Variants in ITGB4 observed in about 807,000 individuals in gnomAD.
ITGB4 encodes integrin subunit beta 4.
A neutral mutation model predicts 207.6 loss-of-function variants in ITGB4; 159 were observed. That is an observed-to-expected ratio of 0.77 (90% CI 0.67 to 0.87). The LOEUF (loss-of-function observed/expected upper bound fraction) is 0.87, where lower values mean the gene tolerates loss of function less well. Among genes scored for constraint, ITGB4 ranks in the 40% least tolerant of loss-of-function variants. The probability of loss-of-function intolerance (pLI) is 0.00; values close to 1 mark genes in which losing one functional copy is unlikely to be tolerated. For synonymous variants in ITGB4, 1,020 were observed against 1,062.7 expected, an observed-to-expected ratio of 0.96 and a Z score of 0.78; for missense variants, 2,278 against 2,546.8, an observed-to-expected ratio of 0.89 and a Z score of 2.27.
Position 75,733,478 on chromosome 17 carries a change from T to C in ITGB4, c.1455-12T>C, listed in dbSNP as rs2060907710. On this transcript the variant is annotated splice_polypyrimidine_tract_variant and intron_variant, in intron 12 of 39. Coordinates refer to ENST00000200181, the MANE Select transcript of ITGB4 (RefSeq NM_000213.5). ...CTGGGCTGTTTCGGGGAATGACCAG[T>C]TCCTCCTTCAGGAGTGGCCAGACCT... 1.9e-6 allele frequency: 3 copies of C among 1,612,100 alleles called. No individual in the cohort carries two copies. Among genetic ancestry groups the C allele is most frequent in the South Asian group, 2.2e-5 (2 of 91,000 alleles).
intron 23 of ITGB4, 92 bp downstream of exon 23, chr17:75,741,097 C>T (rs2143106027): frequency 7.0e-7 from 1 of 1,425,216 alleles, no homozygotes; most frequent in Non-Finnish European, 9.7e-7. Flanking sequence ...ACTCCATCTC[C>T]ATCCCATAGG....
chr17:75,731,458 C>T lies in ITGB4; in HGVS notation c.1215+90C>T, dbSNP rs1046035990. On this transcript the variant is annotated intron_variant, in intron 10 of 39. Coordinates refer to ENST00000200181, the MANE Select transcript of ITGB4 (RefSeq NM_000213.5). The surrounding 1 kb of genome is among the most constrained non-coding windows in gnomAD (Gnocchi z 6.8). ...TTAAAACAGCGGTCAAGAGCGTGGC[C>T]CCTGGAGTCAGGCAGGCCTGGGTGC... 1.5e-6 allele frequency: 2 copies of T among 1,366,000 alleles called. No homozygotes were observed. Among genetic ancestry groups the T allele is most frequent in the South Asian group, 2.6e-5 (2 of 77,994 alleles). The allele number at this position is 1,366,000 out of a possible 1,614,324, so 84.6% of individuals were successfully genotyped here.
In ITGB4 at chr17:75,740,045, C is replaced by T. The variant is rs2061070731; in HGVS notation, c.2420C>T (p.Ala807Val). The change falls in exon 20 of 40, where the codon GCC (alanine) becomes GTC (valine). Residue 807 changes from alanine (A) to valine (V), a missense_variant. Transcript: ENST00000200181. The surrounding 1 kb of genome is among the most constrained non-coding windows in gnomAD (Gnocchi z 5.9). ...NMQRPGFATHAASINPTELVP... is the reference protein window; with the variant it reads ...NMQRPGFATHVASINPTELVP... ...CAGCGGCCTGGCTTTGCCACTCATG[C>T]CGCCAGCATCAACCCCACAGAGCTG... is the stretch of plus-strand genomic sequence containing the variant. 1.2e-6 allele frequency: 2 copies of T among 1,612,642 alleles called. No individual in the cohort carries two copies. Among genetic ancestry groups the T allele is most frequent in the Non-Finnish European group, 1.7e-6 (2 of 1,179,798 alleles).
At chr17:75,754,191 T>G (rs1192397466) in intron 33 of ITGB4, among the ~76,000 whole-genome samples, 1 of 151,360 alleles carries the variant, frequency 6.6e-6, no homozygotes, top group Admixed American at 6.6e-5. Flanking sequence ...GGCCAGGGGG[T>G]GCAAATTCAG....
rs1214735129 is a variant in ITGB4 at position 75,732,806 on chromosome 17, G to A, written c.1454+567G>A. Among the ~76,000 whole-genome samples, 1 of 152,200 alleles carries A rather than the reference G, an allele frequency of 6.6e-6. No individual in the cohort carries two copies. The highest frequency in any genetic ancestry group is 1.5e-5 in the Non-Finnish European group (1 of 68,038). ...CCTCATCTGTAAAATGGGACAGCAG[G>A]CCAGGCGAGGTGGCTCACACCTGTA... On this transcript the variant is annotated intron_variant, in intron 12 of 39. Transcript: ENST00000200181. The surrounding 1 kb of genome is among the most constrained non-coding windows in gnomAD (Gnocchi z 5.3).
In ITGB4 at chr17:75,756,482, G is replaced by A. The variant is rs753691681; in HGVS notation, c.4762G>A (p.Glu1588Lys). 1 of 1,613,366 alleles carries A rather than the reference G, an allele frequency of 6.2e-7. No individual in the cohort carries two copies. The highest frequency in any genetic ancestry group is 8.5e-7 in the Non-Finnish European group (1 of 1,180,010). ...PNPAQTSVVV[E>K]DLLPNHSYVF... Reference sequence around the variant, plus strand: ...CCCTGCCCAGACCTCGGTGGTGGTGGAAGACCTCCTGCCCAACCACTCCTA... The same window carrying A: ...CCCTGCCCAGACCTCGGTGGTGGTGAAAGACCTCCTGCCCAACCACTCCTA... The change falls in exon 36 of 40, where the codon GAA (glutamate) becomes AAA (lysine). Residue 1588 changes from glutamate (E) to lysine (K), a missense_variant. Coordinates refer to ENST00000200181, the MANE Select transcript of ITGB4 (RefSeq NM_000213.5).
rs761374692 is a variant in ITGB4, at chr17:75,755,730, A to G, written c.4588A>G (p.Thr1530Ala). The change falls in exon 35 of 40, where the codon ACG (threonine) becomes GCG (alanine). Residue 1530 changes from threonine to alanine, a missense_variant. Thr to Ala is a moderately conservative substitution (Grantham distance 58, BLOSUM62 0). Coordinates refer to ENST00000200181, the MANE Select transcript of ITGB4 (RefSeq NM_000213.5). ...TCGCCTGACTGCTGGTGTGCCCGAC[A>G]CGCCCACCCGCCTGGTGTTCTCTGC... ...DSRLTAGVPD[T>A]PTRLVFSALG... 6.2e-7 allele frequency: 1 copy of G among 1,612,694 alleles called. No individual in the cohort carries two copies. Among genetic ancestry groups the G allele is most frequent in the East Asian group, 2.2e-5 (1 of 44,824 alleles).
rs754302910 is a variant in ITGB4 at position 75,731,956 on chromosome 17, G to A, written c.1360G>A (p.Val454Met). ...LKMDAGIICD[V>M]CTCELQKEVR... is the part of the protein sequence containing the mutation. ...GATGGACGCGGGCATCATCTGTGAT[G>A]TGTGCACCTGCGAGCTGGTACAACG... Residue 454 changes from valine (V) to methionine (M), a missense_variant, in exon 11 of 40, where the codon GTG (valine) becomes ATG (methionine). Coordinates refer to ENST00000200181, the MANE Select transcript of ITGB4 (RefSeq NM_000213.5). The surrounding 1 kb of genome is among the most constrained non-coding windows in gnomAD (Gnocchi z 6.8). 1.2e-6 allele frequency: 2 copies of A among 1,614,062 alleles called. No individual in the cohort carries two copies. Among genetic ancestry groups the A allele is most frequent in the Non-Finnish European group, 1.7e-6 (2 of 1,180,032 alleles).
In ITGB4 at chr17:75,727,499, C is replaced by A; in HGVS notation, c.258C>A (p.Ile86=). The A allele has an allele frequency of 6.2e-7, 1 of 1,613,706 alleles. No individual in the cohort carries two copies. Among genetic ancestry groups the A allele is most frequent in the Non-Finnish European group, 8.5e-7 (1 of 1,179,944 alleles). ...SIVVMESSFQ[I]TEETQIDTTL... ...TGGTCATGGAGAGCAGCTTCCAAATCACAGAGGTGCCTGGTGTGGGGACTG... is the reference window on the plus strand; with the variant it reads ...TGGTCATGGAGAGCAGCTTCCAAATAACAGAGGTGCCTGGTGTGGGGACTG... The change falls in exon 4 of 40, where the codon ATC becomes ATA. Residue 86 remains isoleucine, a synonymous_variant. Transcript: ENST00000200181. This position sits in a 1 kb window ranked among gnomAD's most constrained non-coding sequence, Gnocchi z 6.0.
chr17:75,757,554 G>C lies in ITGB4; in HGVS notation c.5468G>C (p.Ter1823SerextTer50), dbSNP rs1473254409. The change falls in exon 40 of 40, where the codon TGA becomes TCA. Residue 1823 changes from the stop codon to serine, a stop_lost. Coordinates refer to ENST00000200181, the MANE Select transcript of ITGB4 (RefSeq NM_000213.5). ...THMDQQFFQT[*>S] ...ATGGACCAACAGTTCTTCCAAACTTGACCGCACCCTGCCCCACCCCCGCCA... is the reference window on the plus strand; with the variant it reads ...ATGGACCAACAGTTCTTCCAAACTTCACCGCACCCTGCCCCACCCCCGCCA... 1.2e-6 allele frequency: 2 copies of C among 1,613,346 alleles called. No individual in the cohort carries two copies. The highest frequency in any genetic ancestry group is 4.5e-5 in the East Asian group (2 of 44,872).
chr17:75,742,575 C>G lies in ITGB4; in HGVS notation c.2783-7C>G. The stretch of plus-strand genomic sequence containing the variant: ...CCACCTCTGACCACCTCCGAACCCC[C>G]ACCCAGACGCCCGGGGCATGGTGGA... On this transcript the variant is annotated splice_polypyrimidine_tract_variant and splice_region_variant and intron_variant, in intron 24 of 39. Transcript: ENST00000200181. This position sits in a 1 kb window ranked among gnomAD's most constrained non-coding sequence, Gnocchi z 5.9. 2 of 1,613,892 alleles carry G rather than the reference C, an allele frequency of 1.2e-6. No homozygotes were observed. The highest frequency in any genetic ancestry group is 1.7e-6 in the Non-Finnish European group (2 of 1,180,006).
At position 75,739,520 on chromosome 17, in the gene ITGB4, A is replaced by G; in HGVS notation, c.2221-152A>G. 1.1e-6 allele frequency: 1 copy of G among 877,480 alleles called. No individual in the cohort carries two copies. Among genetic ancestry groups the G allele is most frequent in the Non-Finnish European group, 1.9e-6 (1 of 537,436 alleles). 54.4% of individuals were successfully genotyped at this position (877,480 alleles called of 1,614,324 possible). ...ATCCCCCTCTATGCCCTTGTGTGCCATGCTTACACCCTGCTACCACCTGGA... is the reference window on the plus strand; with the variant it reads ...ATCCCCCTCTATGCCCTTGTGTGCCGTGCTTACACCCTGCTACCACCTGGA... On this transcript the variant is annotated intron_variant, in intron 18 of 39. Transcript: ENST00000200181. This position sits in a 1 kb window ranked among gnomAD's most constrained non-coding sequence, Gnocchi z 5.4.
Position 75,727,626 on chromosome 17 carries a change from A to C in ITGB4, c.265-25A>C, listed in dbSNP as rs2060749729. The C allele has an allele frequency of 6.3e-7, 1 of 1,590,294 alleles. No individual in the cohort carries two copies. The highest frequency in any genetic ancestry group is 8.6e-7 in the Non-Finnish European group (1 of 1,168,562). The stretch of plus-strand genomic sequence containing the variant: ...GGGCCTCCGGAGTGACCCTCTAGCC[A>C]GCTGTCCCCTTCCACTGGCTGCAGG... On this transcript the variant is annotated intron_variant, in intron 4 of 39. Coordinates refer to ENST00000200181, the MANE Select transcript of ITGB4 (RefSeq NM_000213.5). The surrounding 1 kb of genome is among the most constrained non-coding windows in gnomAD (Gnocchi z 6.0).
intron 1 of ITGB4, among the ~76,000 whole-genome samples, chr17:75,723,048 CCAAA>C (rs1418477675): frequency 6.6e-6 from 1 of 152,150 alleles, no homozygotes; most frequent in Non-Finnish European, 1.5e-5. Context: ...ACAAATGAAG[CCAAA>C]CACTCTTGGG....
rs368215140 is a variant in ITGB4 at position 75,742,987 on chromosome 17, G to A, written c.2962+226G>A. On this transcript the variant is annotated intron_variant, in intron 25 of 39. Transcript: ENST00000200181. The surrounding 1 kb of genome is among the most constrained non-coding windows in gnomAD (Gnocchi z 5.9). Reference sequence around the variant, plus strand: ...GGTGGTGAGCGCTCAGTAAATGGAAGCTTCTGTTGCATCCTCATAAGGGCC... The same window carrying A: ...GGTGGTGAGCGCTCAGTAAATGGAAACTTCTGTTGCATCCTCATAAGGGCC... Among the ~76,000 whole-genome samples, 1 of 152,204 alleles carries A rather than the reference G, an allele frequency of 6.6e-6. No homozygotes were observed. Among genetic ancestry groups the A allele is most frequent in the East Asian group, 1.9e-4 (1 of 5,186 alleles).
Position 75,750,139 on chromosome 17 carries a change from G to A in ITGB4, c.3345G>A (p.Gln1115=). 6.2e-7 allele frequency: 1 copy of A among 1,613,770 alleles called. No homozygotes were observed. Among genetic ancestry groups the A allele is most frequent in the Non-Finnish European group, 8.5e-7 (1 of 1,180,034 alleles). Residue 1115 remains glutamine, a synonymous_variant, in exon 28 of 40, where the codon CAG becomes CAA. Transcript: ENST00000200181. This position sits in a 1 kb window ranked among gnomAD's most constrained non-coding sequence, Gnocchi z 5.5. Reference sequence around the variant, plus strand: ...AACTGGACCGGAGCTTCACGAGTCAGATGTTGTCATCACAGCCACCCCCTC... The same window carrying A: ...AACTGGACCGGAGCTTCACGAGTCAAATGTTGTCATCACAGCCACCCCCTC... ...PDELDRSFTS[Q]MLSSQPPPHG...
Position 75,742,371 on chromosome 17 carries a change from G to A in ITGB4, c.2664G>A (p.Leu888=). 42 of 1,613,424 alleles carry A rather than the reference G, an allele frequency of 2.6e-5. No homozygotes were observed. The highest frequency in any genetic ancestry group is 3.5e-5 in the Non-Finnish European group (41 of 1,180,036). ...ACCACACCATTGTGGACACAGTGCT[G>A]ATGGCGCCCCGCTCGGCCAAGCCGG... is the stretch of plus-strand genomic sequence containing the variant. ...KQDHTIVDTV[L]MAPRSAKPAL... is the part of the protein sequence containing the mutation. The change falls in exon 24 of 40, where the codon CTG becomes CTA. Residue 888 remains leucine, a synonymous_variant. Transcript: ENST00000200181. The surrounding 1 kb of genome is among the most constrained non-coding windows in gnomAD (Gnocchi z 5.9).
intron 25 of ITGB4, 33 bp from the exon 26 acceptor site, chr17:75,743,680 G>A: frequency 6.2e-7 from 1 of 1,613,328 alleles, no homozygotes; most frequent in Non-Finnish European, 8.5e-7. Flanking sequence ...ACTGGGCCCA[G>A]CACACTCTGA....
chr17:75,730,670 C>G (rs1442432321), intron 8 of ITGB4, among the ~76,000 whole-genome samples, 166 bp downstream of exon 8: 1 of 150,910 alleles, frequency 6.6e-6, no homozygotes, highest in Non-Finnish European at 1.5e-5. Flanking sequence ...TTAGACCCCC[C>G]AAAATGTGGG....
Sources: allele counts gnomAD v4.1 joint callset (sites outside exome capture counted in the v4.1 genomes callset), GRCh38; gene constraint gnomAD v4.1.1; non-coding constraint Gnocchi (gnomAD v3.1); transcripts MANE v1.5; gene names NCBI Gene and HGNC (gene_info 2026-07-23, HGNC 2026-07-21).